Variants in FCRLB observed in about 807,000 individuals in gnomAD.
The protein encoded by FCRLB is Fc receptor like B.
A neutral mutation model predicts 33.6 loss-of-function variants in FCRLB; 34 were observed. The observed-to-expected ratio is 1.01, with a 90% CI of 0.77 to 1.35. The LOEUF is 1.35. FCRLB is among the 40% of genes most tolerant of loss of function. The pLI is 0.00. For synonymous variants in FCRLB, 280 were observed against 255.9 expected (o/e 1.09, Z -0.90); for missense variants, 560 against 580.2 (o/e 0.97, Z 0.36).
Position 161,725,966 on chromosome 1 carries a change from CAA to C in FCRLB, c.454_455del (p.Asn152LeufsTer33). 1 of 1,614,260 alleles carries C rather than the reference CAA, an allele frequency of 6.2e-7. No homozygotes were observed. Among genetic ancestry groups the C allele is most frequent in the Non-Finnish European group, 8.5e-7 (1 of 1,180,044 alleles). On this transcript the variant is annotated frameshift_variant, in exon 6 of 8. Coordinates refer to ENST00000367948, the Ensembl canonical transcript of FCRLB. LOFTEE classifies it high-confidence loss of function. The stretch of plus-strand genomic sequence containing the variant: ...CCGTGCGCTACTTCCACTCCAGCGC[CAA>C]CTACACTGTGTTACAGGCGCGTGCC...
chr1:161,723,260 T>C (rs1683433170), intron 4 of FCRLB, 107 bp from the exon 5 acceptor site: 6 of 1,405,454 alleles, frequency 4.3e-6, no homozygotes, highest in African/African-American at 2.8e-5. Context: ...GGCTGGGGCC[T>C]GCGAGCTGGG....
At position 161,722,967 on chromosome 1, in the gene FCRLB, T is replaced by C. The variant is rs546588318; in HGVS notation, c.32-22T>C. ...GCCAATATTCTCCTTCTCCTTCCTC[T>C]TCCTTCTTTCCTGTTCTGCAGTTCC... On this transcript the variant is annotated intron_variant, in intron 3 of 7. Transcript: ENST00000367948. 16 of 1,613,544 alleles carry C rather than the reference T, an allele frequency of 9.9e-6. 1 individual carries two copies. The South Asian group carries it at 1.3e-4, about 13-fold the overall frequency.
Position 161,726,565 on chromosome 1 carries a change from C to G in FCRLB, c.575-138C>G, listed in dbSNP as rs909793043. ...CCACATTTCAGAAGGCTCCCCTTCCCCCTCCACGTGGACACACGGCCTCCT... is the reference window on the plus strand; with the variant it reads ...CCACATTTCAGAAGGCTCCCCTTCCGCCTCCACGTGGACACACGGCCTCCT... On this transcript the variant is annotated intron_variant, in intron 6 of 7. Coordinates refer to ENST00000367948, the Ensembl canonical transcript of FCRLB. This position sits in a 1 kb window ranked among gnomAD's most constrained non-coding sequence, Gnocchi z 5.2. 8.2e-7 allele frequency: 1 copy of G among 1,219,374 alleles called. No individual in the cohort carries two copies. The highest frequency in any genetic ancestry group is 1.5e-5 in the African/African-American group (1 of 66,820). 75.5% of individuals were successfully genotyped at this position (1,219,374 alleles called of 1,614,324 possible).
At position 161,726,959 on chromosome 1, in the gene FCRLB, G is replaced by C; in HGVS notation, c.831G>C (p.Arg277=). The change falls in exon 7 of 8, where the codon CGG becomes CGC. Residue 277 remains arginine, a synonymous_variant. Transcript: ENST00000367948. This position sits in a 1 kb window ranked among gnomAD's most constrained non-coding sequence, Gnocchi z 5.2. Reference sequence around the variant, plus strand: ...CGGCTACCGCCACCCGCAGTGTCCGGAAACGCAGTCCGTGGCTGCAGCTCC... The same window carrying C: ...CGGCTACCGCCACCCGCAGTGTCCGCAAACGCAGTCCGTGGCTGCAGCTCC... 6.5e-7 allele frequency: 1 copy of C among 1,542,796 alleles called. No homozygotes were observed. Among genetic ancestry groups the C allele is most frequent in the Non-Finnish European group, 8.7e-7 (1 of 1,143,914 alleles).
chr1:161,726,024 A>C lies in FCRLB; in HGVS notation c.511A>C (p.Thr171Pro). 3 of 1,613,950 alleles carry C rather than the reference A, an allele frequency of 1.9e-6. No homozygotes were observed. The highest frequency in any genetic ancestry group is 2.5e-6 in the Non-Finnish European group (3 of 1,179,860). Residue 171 changes from threonine (T) to proline (P), a missense_variant, in exon 6 of 8, where the codon ACC becomes CCC. Thr to Pro is a conservative substitution (Grantham distance 38). Transcript: ENST00000367948. This position sits in a 1 kb window ranked among gnomAD's most constrained non-coding sequence, Gnocchi z 5.2. ...CAGCGGGCGCTACCAGTGCTCGGGCACCATGCGCATCCCGGTGGAGAGCGC... is the reference window on the plus strand; with the variant it reads ...CAGCGGGCGCTACCAGTGCTCGGGCCCCATGCGCATCCCGGTGGAGAGCGC...
chr1:161,722,844 G>A, intron 3 of FCRLB, 141 bp downstream of exon 3: 1 of 1,480,980 alleles, frequency 6.8e-7, no homozygotes, highest in Non-Finnish European at 9.3e-7. Flanking sequence ...AAGAAGAAGG[G>A]GCTTTCTCAG....
chr1:161,726,606 T>C lies in FCRLB; in HGVS notation c.575-97T>C, dbSNP rs766274721. The C allele has an allele frequency of 8.7e-6, 13 of 1,492,298 alleles. No homozygotes were observed. The African/African-American group carries it at 1.8e-4, about 21-fold the overall frequency. 92.4% of individuals were successfully genotyped at this position (1,492,298 alleles called of 1,614,324 possible). A position where few individuals can be genotyped will look rare whatever the true frequency, so the allele number is the denominator to read the frequency against. On this transcript the variant is annotated intron_variant, in intron 6 of 7. Transcript: ENST00000367948. The surrounding 1 kb of genome is among the most constrained non-coding windows in gnomAD (Gnocchi z 5.2). ...ACGGCCTCCTCCCCTCCCCCCTTGG[T>C]CTGTGGGTCTGCAAGGAGCCCTCGC... is the stretch of plus-strand genomic sequence containing the variant.
At chr1:161,727,249 T>A in exon 8 of FCRLB, 1 of 1,598,590 alleles carries the variant, frequency 6.3e-7, no homozygotes, top group Non-Finnish European at 8.5e-7. Flanking sequence ...ATTCACAGGT[T>A]CTCCCCTGGA....
chr1:161,725,721 G>C, intron 5 of FCRLB, 100 bp from the exon 6 acceptor site: 1 of 1,367,722 alleles, frequency 7.3e-7, no homozygotes, highest in Non-Finnish European at 1.0e-6. Context: ...GGAAGGGAGG[G>C]AGAGGAGTTA....
In FCRLB at chr1:161,726,681, T is replaced by C. The variant is rs755605123; in HGVS notation, c.575-22T>C. 5.7e-6 allele frequency: 9 copies of C among 1,576,566 alleles called. No homozygotes were observed. In the East Asian group the frequency reaches 1.8e-4, roughly 32 times the overall value. ...CGGAGCGGTGGACAAGCCGGCGCCG[T>C]TGCTCCCCGCCCTCTCCGTAGAGCT... On this transcript the variant is annotated intron_variant, in intron 6 of 7. Transcript: ENST00000367948. The surrounding 1 kb of genome is among the most constrained non-coding windows in gnomAD (Gnocchi z 5.2).
At chr1:161,727,643 C>G (rs962956842) in exon 8 of FCRLB, 1 of 1,612,706 alleles carries the variant, frequency 6.2e-7, no homozygotes, top group Admixed American at 1.7e-5. Flanking sequence ...ACCCCAGAGA[C>G]CACTCCTGTG....
Position 161,727,589 on chromosome 1 carries a change from G to A in FCRLB, c.1208G>A (p.Gly403Glu), listed in dbSNP as rs753631635. 5.0e-6 allele frequency: 8 copies of A among 1,614,092 alleles called. 1 individual carries two copies. In the South Asian group the frequency reaches 8.8e-5, roughly 18 times the overall value. ...CCACAGGCCCTCCGGGAGCTCAGGG[G>A]AACGCCCGAGACCCCCACCTCTCAC... Residue 403 changes from glycine to glutamate, a missense_variant, in exon 8 of 8, where the codon GGA (glycine) becomes GAA (glutamate). Physicochemically the swap from Gly to Glu is moderately conservative, Grantham distance 98. Transcript: ENST00000367948.
In FCRLB at chr1:161,726,947, C is replaced by T; in HGVS notation, c.819C>T (p.Thr273=). ...ACTGGTGCGAGGCGGCTACCGCCACCCGCAGTGTCCGGAAACGCAGTCCGT... is the reference window on the plus strand; with the variant it reads ...ACTGGTGCGAGGCGGCTACCGCCACTCGCAGTGTCCGGAAACGCAGTCCGT... The change falls in exon 7 of 8, where the codon ACC becomes ACT. Residue 273 remains threonine, a synonymous_variant. Coordinates refer to ENST00000367948, the Ensembl canonical transcript of FCRLB. The surrounding 1 kb of genome is among the most constrained non-coding windows in gnomAD (Gnocchi z 5.2). 1 of 1,551,978 alleles carries T rather than the reference C, an allele frequency of 6.4e-7. No homozygotes were observed. Among genetic ancestry groups the T allele is most frequent in the Non-Finnish European group, 8.7e-7 (1 of 1,147,918 alleles).
exon 8 of FCRLB, chr1:161,727,844 A>C (rs1683653884): frequency 1.5e-6 from 1 of 659,954 alleles, no homozygotes; most frequent in East Asian, 2.8e-5. Flanking sequence ...AACCGCAAGC[A>C]TTCTCTTTGA....
rs762558590 is a variant in FCRLB at position 161,727,217 on chromosome 1, C to G, written c.866-30C>G. On this transcript the variant is annotated intron_variant, in intron 7 of 7. Coordinates refer to ENST00000367948, the Ensembl canonical transcript of FCRLB. ...CAGCGCCGAGAAGAACCATGCAAGC[C>G]GCGCGTGACTGGGCGTAATGCATTC... 7 of 1,553,688 alleles carry G rather than the reference C, an allele frequency of 4.5e-6. 1 individual carries two copies. Among genetic ancestry groups the G allele is most frequent in the Non-Finnish European group, 6.1e-6 (7 of 1,147,516 alleles).
intron 5 of FCRLB, among the ~76,000 whole-genome samples, chr1:161,724,046 C>T (rs1303581808): frequency 2.6e-5 from 4 of 152,150 alleles, no homozygotes; most frequent in East Asian, 1.9e-4. Context: ...CAGTGTGATG[C>T]TTCTCTGTGC....
In FCRLB at chr1:161,725,817, G is replaced by C; in HGVS notation, c.308-4G>C. ...GTCAAGCGTGTCTGTGGTGTCTGTC[G>C]CAGATTGGCTGATTCTGCAAGTGCC... On this transcript the variant is annotated splice_polypyrimidine_tract_variant and splice_region_variant and intron_variant, in intron 5 of 7. Transcript: ENST00000367948. The C allele has an allele frequency of 6.3e-7, 1 of 1,599,904 alleles. No homozygotes were observed. Among genetic ancestry groups the C allele is most frequent in the Non-Finnish European group, 8.5e-7 (1 of 1,170,876 alleles).
Position 161,722,637 on chromosome 1 carries a change from C to T in FCRLB, c.-20-16C>T. 11 of 1,613,508 alleles carry T rather than the reference C, an allele frequency of 6.8e-6. No homozygotes were observed. Among genetic ancestry groups the T allele is most frequent in the Non-Finnish European group, 8.5e-6 (10 of 1,179,564 alleles). On this transcript the variant is annotated splice_polypyrimidine_tract_variant and intron_variant, in intron 2 of 7. Coordinates refer to ENST00000367948, the Ensembl canonical transcript of FCRLB. ...TGTTCCCCATCTCATGCCAGTGCAT[C>T]TCCATCCTTCTGCAGCTGCTGCAGT...
chr1:161,725,628 G>A (rs3738332), intron 5 of FCRLB, among the ~76,000 whole-genome samples, 193 bp from the exon 6 acceptor site: 11,026 of 152,024 alleles, frequency 0.073, 469 homozygotes, highest in East Asian at 0.11. Flanking sequence ...GGCGACAAGA[G>A]CAAGACCATG....
Sources: gnomAD v4.1 joint callset for allele counts (sites outside exome capture counted in the v4.1 genomes callset) on GRCh38, gnomAD v4.1.1 for gene constraint, Gnocchi (gnomAD v3.1) non-coding constraint, MANE v1.5 for transcripts, NCBI Gene and HGNC (gene_info 2026-07-23, HGNC 2026-07-21) for gene names.